The following ADGRB3 variants were observed in gnomAD, a reference collection of about 807,000 sequenced individuals.
ADGRB3 encodes the protein adhesion G protein-coupled receptor B3, also known as brain-specific angiogenesis inhibitor 3.
Under a neutral mutation model 193.4 loss-of-function variants are expected in ADGRB3, and 37 were observed. The observed-to-expected ratio is 0.19, with a 90% CI of 0.15 to 0.25. ADGRB3 has a LOEUF of 0.25. ADGRB3 is among the 10% of genes least tolerant of loss of function. ADGRB3 has a pLI of 1.00. For synonymous variants in ADGRB3, 690 were observed against 644.2 expected, an observed-to-expected ratio of 1.07 and a Z score of -1.08; for missense variants, 1,637 against 1,852.9, an observed-to-expected ratio of 0.88 and a Z score of 2.14.
rs184226309 is a variant in ADGRB3, at chr6:69,346,164, G to A, written c.3459+6660G>A. On this transcript the variant is annotated intron_variant, in intron 26 of 31. Transcript: ENST00000370598. ...AGAATCAATATCATGAAAACTACCC[G>A]AAGTAATTTATAGATTCAATGCTAT... Among the ~76,000 whole-genome samples, 651 of 151,976 alleles carry A rather than the reference G, an allele frequency of 4.3e-3. 5 individuals are homozygous for A. The highest frequency in any genetic ancestry group is 0.015 in the African/African-American group (619 of 41,518).
chr6:68,978,797 G>T (rs1768823274), intron 10 of ADGRB3, among the ~76,000 whole-genome samples: 3 of 151,276 alleles, frequency 2.0e-5, no homozygotes, highest in Admixed American at 6.6e-5. Flanking sequence ...ATCCTTGAGA[G>T]ATTTCATTTC....
intron 6 of ADGRB3, among the ~76,000 whole-genome samples, chr6:68,953,553 A>C (rs777534605): frequency 2.6e-5 from 4 of 152,218 alleles, no homozygotes; most frequent in Non-Finnish European, 5.9e-5. Context: ...AAGCCAAAAT[A>C]GAGGGGAAAT....
chr6:68,878,141 T>C (rs940888773), intron 3 of ADGRB3, among the ~76,000 whole-genome samples: 3 of 152,114 alleles, frequency 2.0e-5, no homozygotes, highest in Admixed American at 2.0e-4. Context: ...GATTTTAATA[T>C]AGTTAAATAA....
At chr6:68,786,475 G>A (rs907385000) in intron 3 of ADGRB3, among the ~76,000 whole-genome samples, 7 of 151,920 alleles carry the variant, frequency 4.6e-5, no homozygotes, top group African/African-American at 9.7e-5. Context: ...GATATGCAGC[G>A]TTATTTCTGA....
intron 3 of ADGRB3, among the ~76,000 whole-genome samples, chr6:68,923,739 C>T (rs1381660487): frequency 2.0e-5 from 3 of 151,878 alleles, no homozygotes; most frequent in Non-Finnish European, 2.9e-5. Flanking sequence ...CTTTTGGTAG[C>T]CCCTATTAAA....
intron 15 of ADGRB3, among the ~76,000 whole-genome samples, chr6:69,060,084 G>C (rs1431976403): frequency 6.6e-6 from 1 of 152,044 alleles, no homozygotes; most frequent in Non-Finnish European, 1.5e-5. Context: ...AGGTGTCAGG[G>C]ATTCACATGA....
intron 17 of ADGRB3, among the ~76,000 whole-genome samples, chr6:69,179,399 T>G (rs1775520734): frequency 6.6e-6 from 1 of 152,200 alleles, no homozygotes; most frequent in Admixed American, 6.5e-5. Context: ...CTTGAAAAGT[T>G]TCTTTATGTA....
chr6:68,781,665 C>T (rs1766854689), intron 3 of ADGRB3, among the ~76,000 whole-genome samples: 1 of 151,748 alleles, frequency 6.6e-6, no homozygotes, highest in African/African-American at 2.4e-5. Flanking sequence ...GATAAAATAG[C>T]TCAAAAAAAC....
chr6:69,116,150 T>C (rs945011710), intron 17 of ADGRB3, among the ~76,000 whole-genome samples: 1 of 152,188 alleles, frequency 6.6e-6, no homozygotes, highest in Non-Finnish European at 1.5e-5. Context: ...AAACCTCAGC[T>C]TTTGTTCTTA....
chr6:69,286,462 G>A (rs753422986), intron 20 of ADGRB3, among the ~76,000 whole-genome samples: 1 of 152,124 alleles, frequency 6.6e-6, no homozygotes, highest in Non-Finnish European at 1.5e-5. Flanking sequence ...CTATTTACTT[G>A]TGCCTTTTAA....
At chr6:69,224,842 A>G (rs1267291308) in intron 17 of ADGRB3, among the ~76,000 whole-genome samples, 1 of 152,192 alleles carries the variant, frequency 6.6e-6, no homozygotes, top group Non-Finnish European at 1.5e-5. Flanking sequence ...TTAAAATTAC[A>G]TAAATTAAAC....
intron 3 of ADGRB3, among the ~76,000 whole-genome samples, chr6:68,658,260 A>G (rs142206802): frequency 8.8e-4 from 133 of 151,402 alleles, no homozygotes; most frequent in Non-Finnish European, 1.6e-3. Context: ...GAGCCCTTAC[A>G]CTATACCACC....
chr6:69,078,455 A>G (rs1772295562), intron 17 of ADGRB3, among the ~76,000 whole-genome samples: 1 of 152,026 alleles, frequency 6.6e-6, no homozygotes, highest in Non-Finnish European at 1.5e-5. Flanking sequence ...ACTATTTTTA[A>G]ATAAATGTTT....
intron 3 of ADGRB3, among the ~76,000 whole-genome samples, chr6:68,706,413 C>A (rs1765326426): frequency 6.6e-6 from 1 of 152,134 alleles, no homozygotes; most frequent in South Asian, 2.1e-4. Flanking sequence ...TTTTACTATA[C>A]CTAGGCTATA....
chr6:68,873,128 A>T (rs914053416), intron 3 of ADGRB3, among the ~76,000 whole-genome samples: 1 of 152,166 alleles, frequency 6.6e-6, no homozygotes, highest in Non-Finnish European at 1.5e-5. Context: ...AGCATTGCTG[A>T]AACCCAAAAC....
intron 13 of ADGRB3, among the ~76,000 whole-genome samples, chr6:69,043,334 G>GAAAGAAAGAAAGGAAGAAAGAA (rs1554252122): frequency 1.2e-4 from 13 of 110,048 alleles, no homozygotes; most frequent in African/African-American, 4.1e-4. Flanking sequence ...GAAAGAAAGA[G>GAAAGAAAGAAAGGAAGAAAGAA]AAAGAAAAGA....
At chr6:69,301,928 CA>C (rs1767957279) in intron 20 of ADGRB3, among the ~76,000 whole-genome samples, 1 of 151,694 alleles carries the variant, frequency 6.6e-6, no homozygotes, top group African/African-American at 2.4e-5. Flanking sequence ...CAACTAAAAG[CA>C]AAAAGAAGGT....
At chr6:68,822,673 T>A (rs912604324) in intron 3 of ADGRB3, among the ~76,000 whole-genome samples, 13 of 151,940 alleles carry the variant, frequency 8.6e-5, no homozygotes, top group Non-Finnish European at 1.5e-4. Flanking sequence ...ACATTCAGAT[T>A]TTTAAAAATC....
intron 3 of ADGRB3, among the ~76,000 whole-genome samples, chr6:68,689,767 G>A (rs1295500269): frequency 6.6e-6 from 1 of 151,896 alleles, no homozygotes; most frequent in Non-Finnish European, 1.5e-5. Flanking sequence ...TAATACTTAC[G>A]AATTTATTAC....
Sources: allele counts gnomAD v4.1 joint callset (sites outside exome capture counted in the v4.1 genomes callset), GRCh38; gene constraint gnomAD v4.1.1; transcripts MANE v1.5; gene names NCBI Gene and HGNC (gene_info 2026-07-23, HGNC 2026-07-21).